Variants in SCOC observed in about 807,000 individuals in gnomAD.
SCOC encodes short coiled coil protein.
SCOC carries 7 observed loss-of-function variants against 9.9 expected under a neutral mutation model. The observed-to-expected ratio is 0.71, with a 90% CI of 0.40 to 1.33. SCOC has a LOEUF of 1.33. Among genes scored for constraint, SCOC ranks in the 40% most tolerant of loss-of-function variants. SCOC has a pLI of 0.01. For synonymous variants in SCOC, 19 were observed against 28.2 expected (o/e 0.67, Z 1.03); for missense variants, 66 against 89.7 (o/e 0.74, Z 1.07).
chr4:140,279,567 C>T (rs1003875161), intron 1 of SCOC, among the ~76,000 whole-genome samples: 4 of 152,206 alleles, frequency 2.6e-5, no homozygotes, highest in Non-Finnish European at 4.4e-5. Context: ...ATTTGAGCTT[C>T]GATTCGATTC....
chr4:140,301,192 C>A (rs865944169), intron 1 of SCOC, among the ~76,000 whole-genome samples: 2 of 152,046 alleles, frequency 1.3e-5, no homozygotes, highest in South Asian at 4.2e-4. Flanking sequence ...GGATGAGTAT[C>A]TGAGGCGGAA....
intron 2 of SCOC, among the ~76,000 whole-genome samples, chr4:140,351,717 C>T (rs1225787274): frequency 1.3e-5 from 2 of 151,872 alleles, no homozygotes; most frequent in Non-Finnish European, 2.9e-5. Context: ...CTGCCGTCCC[C>T]TCAGCCAAGC....
At position 140,382,997 on chromosome 4, in the gene SCOC, C is replaced by G. The variant is rs995861914; in HGVS notation, c.*1893C>G. On this transcript the variant is annotated 3_prime_UTR_variant, in exon 4 of 4. Transcript: ENST00000608372. ...TTTAAATCATGGCTTTCAAGTCACTCTAGTTATTCTTCTAATTTGCAGAAA... is the reference window on the plus strand; with the variant it reads ...TTTAAATCATGGCTTTCAAGTCACTGTAGTTATTCTTCTAATTTGCAGAAA... 2 of 152,188 alleles carry G rather than the reference C, an allele frequency of 1.3e-5. No homozygotes were observed. The highest frequency in any genetic ancestry group is 4.8e-5 in the African/African-American group (2 of 41,424). The allele number at this position is 152,188 out of a possible 1,614,324, so 9.4% of individuals were successfully genotyped here. A position where few individuals can be genotyped will look rare whatever the true frequency, so the allele number is the denominator to read the frequency against.
chr4:140,290,114 G>C (rs867469244), intron 1 of SCOC, among the ~76,000 whole-genome samples: 3 of 152,222 alleles, frequency 2.0e-5, no homozygotes, highest in Middle Eastern at 3.4e-3. Flanking sequence ...GCATTTTTTT[G>C]CATTGCTGTA....
chr4:140,380,944 T>C lies in SCOC; in HGVS notation c.107-18T>C. 6.6e-7 allele frequency: 1 copy of C among 1,510,694 alleles called. No homozygotes were observed. Among genetic ancestry groups the C allele is most frequent in the Non-Finnish European group, 8.9e-7 (1 of 1,129,150 alleles). 93.6% of individuals were successfully genotyped at this position (1,510,694 alleles called of 1,614,324 possible). Reference sequence around the variant, plus strand: ...GTCATTGTTTTATTGATAATGGGCATTTTTATTTTTTATATAGATCTCTCT... The same window carrying C: ...GTCATTGTTTTATTGATAATGGGCACTTTTATTTTTTATATAGATCTCTCT... On this transcript the variant is annotated intron_variant, in intron 3 of 3. Coordinates refer to ENST00000608372, the MANE Select transcript of SCOC (RefSeq NM_001153484.2).
intron 1 of SCOC, among the ~76,000 whole-genome samples, chr4:140,263,784 G>A (rs1322866018): frequency 1.3e-5 from 2 of 152,186 alleles, no homozygotes; most frequent in Non-Finnish European, 2.9e-5. Flanking sequence ...TCACAGAGGT[G>A]AGCTAAGAAC....
chr4:140,271,072 G>A (rs971540401), intron 1 of SCOC, among the ~76,000 whole-genome samples: 1 of 152,166 alleles, frequency 6.6e-6, no homozygotes, highest in African/African-American at 2.4e-5. Context: ...CAGAGCAAAT[G>A]AGGATGCTGA....
rs548689294 is a variant in SCOC, at chr4:140,301,887, G to A, written c.-18-41734G>A. ...CGCTCTGTTGCCCCGGCTGGAGTAC[G>A]GTGGTACAATCTTGGCTCATTGCAG... On this transcript the variant is annotated intron_variant, in intron 1 of 4. Transcript: ENST00000394205. Among the ~76,000 whole-genome samples, 10 of 152,214 alleles carry A rather than the reference G, an allele frequency of 6.6e-5. No individual in the cohort carries two copies. In the South Asian group the frequency reaches 1.7e-3, roughly 25 times the overall value.
chr4:140,381,077 A>G lies in SCOC; in HGVS notation c.222A>G (p.Thr74=). The part of the protein sequence containing the change: ...NLMSASSVFQ[T]TDTKSKRK ...TGTCAGCTTCTAGTGTTTTTCAAAC[A>G]ACTGACACAAAAAGCAAAAGAAAGT... The change falls in exon 4 of 4, where the codon ACA becomes ACG. Residue 74 remains threonine, a synonymous_variant. Coordinates refer to ENST00000608372, the MANE Select transcript of SCOC (RefSeq NM_001153484.2). The G allele has an allele frequency of 6.3e-7, 1 of 1,598,970 alleles. No individual in the cohort carries two copies. The highest frequency in any genetic ancestry group is 8.5e-7 in the Non-Finnish European group (1 of 1,176,400).
At chr4:140,262,280 A>G (rs1027630666) in intron 1 of SCOC, among the ~76,000 whole-genome samples, 1 of 152,204 alleles carries the variant, frequency 6.6e-6, no homozygotes, top group African/African-American at 2.4e-5. Flanking sequence ...AAAAGGAGAA[A>G]GAGAACAAGG....
At chr4:140,296,979 C>T (rs575884758) in intron 1 of SCOC, among the ~76,000 whole-genome samples, 1 of 152,244 alleles carries the variant, frequency 6.6e-6, no homozygotes, top group South Asian at 2.1e-4. Flanking sequence ...GAGCAAACAC[C>T]TGCTTTATAT....
chr4:140,304,759 C>G (rs1481715326), intron 1 of SCOC, among the ~76,000 whole-genome samples: 1 of 152,148 alleles, frequency 6.6e-6, no homozygotes, highest in Non-Finnish European at 1.5e-5. Flanking sequence ...GTGCAGTGTT[C>G]CCCATGACTA....
At chr4:140,287,464 A>G (rs1293496940) in intron 1 of SCOC, among the ~76,000 whole-genome samples, 1 of 151,830 alleles carries the variant, frequency 6.6e-6, no homozygotes, top group Non-Finnish European at 1.5e-5. Flanking sequence ...TACATGCTAC[A>G]CACACATCAT....
intron 1 of SCOC, among the ~76,000 whole-genome samples, chr4:140,310,384 A>G (rs1732116059): frequency 6.6e-6 from 1 of 152,224 alleles, no homozygotes; most frequent in African/African-American, 2.4e-5. Flanking sequence ...TTATGGGTGC[A>G]TTACCAGCTG....
rs922397419 is a variant in SCOC at position 140,373,701 on chromosome 4, G to A, written c.-67G>A. The A allele has an allele frequency of 3.4e-5, 52 of 1,548,732 alleles. No individual in the cohort carries two copies. The highest frequency in any genetic ancestry group is 4.3e-5 in the Non-Finnish European group (49 of 1,146,846). On this transcript the variant is annotated 5_prime_UTR_variant, in exon 1 of 4. Coordinates refer to ENST00000608372, the MANE Select transcript of SCOC (RefSeq NM_001153484.2). Reference sequence around the variant, plus strand: ...TGTCGGCCGGATCCCTCCTTCTCCCGGCGCCTCAAGCGGAAGGTGAGGGCC... The same window carrying A: ...TGTCGGCCGGATCCCTCCTTCTCCCAGCGCCTCAAGCGGAAGGTGAGGGCC...
chr4:140,376,192 A>G (rs1728335850), intron 1 of SCOC, among the ~76,000 whole-genome samples: 1 of 152,222 alleles, frequency 6.6e-6, no homozygotes, highest in South Asian at 2.1e-4. Context: ...AAAAGAAAAA[A>G]TCCATGGCTA....
intron 1 of SCOC, among the ~76,000 whole-genome samples, chr4:140,286,623 G>A (rs1731276655): frequency 6.6e-6 from 1 of 152,248 alleles, no homozygotes; most frequent in East Asian, 1.9e-4. Flanking sequence ...TGGGCGGCAT[G>A]TGCAGCCGTG....
upstream of SCOC, among the ~76,000 whole-genome samples, chr4:140,340,692 A>G (rs1726479124): frequency 6.6e-6 from 1 of 151,718 alleles, no homozygotes; most frequent in South Asian, 2.1e-4. Flanking sequence ...ATTTAAATCC[A>G]CAGATAATTC....
At chr4:140,339,399 T>C (rs1419311823), upstream of SCOC, among the ~76,000 whole-genome samples, 3 of 152,024 alleles carry the variant, frequency 2.0e-5, no homozygotes, top group Admixed American at 6.6e-5. Flanking sequence ...GGCAAGGACT[T>C]CATGACTAAA....
Sources: gnomAD v4.1 joint callset for allele counts (sites outside exome capture counted in the v4.1 genomes callset) on GRCh38, gnomAD v4.1.1 for gene constraint, MANE v1.5 for transcripts, NCBI Gene and HGNC (gene_info 2026-07-23, HGNC 2026-07-21) for gene names.